INTS6: variants seen among roughly 807,000 people sequenced by gnomAD.
INTS6 encodes the protein integrator complex subunit 6.
INTS6 carries 16 observed loss-of-function variants against 104.9 expected under a neutral mutation model. The ratio of observed to expected loss-of-function variants is 0.15; its 90% CI spans 0.10 to 0.23. The LOEUF (loss-of-function observed/expected upper bound fraction) is 0.23, where lower values mean the gene tolerates loss of function less well. Ranked by LOEUF, INTS6 falls within the 10% of genes least tolerant of loss-of-function variation. INTS6 has a pLI of 1.00. For synonymous variants in INTS6, 324 were observed against 358.7 expected, an observed-to-expected ratio of 0.90 and a Z score of 1.09; for missense variants, 584 against 1,062.8, an observed-to-expected ratio of 0.55 and a Z score of 6.26.
intron 4 of INTS6, among the ~76,000 whole-genome samples, chr13:51,409,263 AAATAATAATAATAAT>A (rs57913744): frequency 0.013 from 1,742 of 135,940 alleles, 18 homozygotes; most frequent in African/African-American, 0.025. Flanking sequence ...AATCCGTCTC[AAATAATAATAATAAT>A]AATAATAATA....
At chr13:51,387,335 G>T in intron 7 of INTS6, 51 bp downstream of exon 7, 1 of 1,489,788 alleles carries the variant, frequency 6.7e-7, no homozygotes, top group Non-Finnish European at 9.0e-7. Flanking sequence ...AAACTAATAG[G>T]AAAGACAGCT....
chr13:51,337,581 T>C, the INTS6 span, among the ~76,000 whole-genome samples: 1 of 152,210 alleles, frequency 6.6e-6, no homozygotes, highest in Non-Finnish European at 1.5e-5. Flanking sequence ...GAAGGGCATG[T>C]GCCTTAGTGT....
chr13:51,450,881 G>A (rs1953028442), intron 3 of INTS6, 144 bp downstream of exon 3: 2 of 1,288,550 alleles, frequency 1.6e-6, no homozygotes, highest in South Asian at 2.8e-5. Context: ...TAGGGTAAGA[G>A]TTTTGCCTTT....
chr13:51,366,550 A>G (rs1279308960), intron 17 of INTS6, among the ~76,000 whole-genome samples: 1 of 152,046 alleles, frequency 6.6e-6, no homozygotes, highest in Non-Finnish European at 1.5e-5. Context: ...AAGCTAATAT[A>G]AATAGCCACC....
At chr13:51,347,315 C>T in the INTS6 span, 2 of 1,201,758 alleles carry the variant, frequency 1.7e-6, no homozygotes, top group Non-Finnish European at 2.4e-6. Context: ...CAGGTCCCTG[C>T]TCCTAAGGGA....
intron 3 of INTS6, among the ~76,000 whole-genome samples, chr13:51,434,920 C>T (rs1957159141): frequency 6.6e-6 from 1 of 151,984 alleles, no homozygotes; most frequent in South Asian, 2.1e-4. Flanking sequence ...TTAATTACTG[C>T]AATATAATGT....
the INTS6 span, chr13:51,341,340 T>C: frequency 6.3e-7 from 1 of 1,596,312 alleles, no homozygotes; most frequent in East Asian, 2.3e-5. Context: ...TGGGGTACAC[T>C]GTCCATGGTA....
chr13:51,435,044 G>T (rs1957161096), intron 3 of INTS6, among the ~76,000 whole-genome samples: 1 of 151,896 alleles, frequency 6.6e-6, no homozygotes, highest in Non-Finnish European at 1.5e-5. Flanking sequence ...AAGTCACTCA[G>T]TTGGGAGACA....
intron 4 of INTS6, among the ~76,000 whole-genome samples, chr13:51,421,826 GACTT>G (rs941328873): frequency 2.0e-5 from 3 of 152,056 alleles, no homozygotes; most frequent in African/African-American, 7.2e-5. Context: ...AGTATCCTCT[GACTT>G]ACTTGACACC....
rs1011004655 is a variant in INTS6, at chr13:51,451,903, T to TG, written c.189+74dup. ...GGAGGGGAGCATAATGAAGGGTGAATGGGGGGGCGGGGAGGGCGAGCGAGG... is the reference window on the plus strand; with the variant it reads ...GGAGGGGAGCATAATGAAGGGTGAATGGGGGGGGCGGGGAGGGCGAGCGAGG... On this transcript the variant is annotated intron_variant, in intron 2 of 17. Transcript: ENST00000311234. The TG allele has an allele frequency of 5.1e-5, 37 of 729,610 alleles. No homozygotes were observed. The African/African-American group carries it at 5.2e-4, about 10-fold the overall frequency. 45.2% of individuals were successfully genotyped at this position (729,610 alleles called of 1,614,324 possible).
chr13:51,336,583 T>C, the INTS6 span, among the ~76,000 whole-genome samples: 3 of 152,240 alleles, frequency 2.0e-5, no homozygotes, highest in Admixed American at 6.5e-5. Context: ...AAGCCCCTTC[T>C]TATGTGAGCA....
chr13:51,348,229 T>C, the INTS6 span: 1 of 1,593,614 alleles, frequency 6.3e-7, no homozygotes, highest in Non-Finnish European at 8.5e-7. Flanking sequence ...TCCAGGACAC[T>C]GCAGGCCATC....
chr13:51,432,776 A>AT (rs1471888135), intron 3 of INTS6, among the ~76,000 whole-genome samples: 1 of 152,194 alleles, frequency 6.6e-6, no homozygotes, highest in African/African-American at 2.4e-5. Context: ...AAGGAGCACT[A>AT]TCTCCCTCTT....
chr13:51,447,955 G>A (rs145005853), intron 3 of INTS6: 1 of 152,262 alleles, frequency 6.6e-6, no homozygotes, highest in African/African-American at 2.4e-5. Context: ...CTGCTCAGGA[G>A]GCTGAAGCAT....
intron 3 of INTS6, among the ~76,000 whole-genome samples, chr13:51,356,319 A>C (rs1593645915): frequency 6.6e-6 from 1 of 152,124 alleles, no homozygotes; most frequent in African/African-American, 2.4e-5. Context: ...ATAATCTGAC[A>C]TTTCAAGCAA....
At chr13:51,428,564 T>C (rs1957027097) in intron 4 of INTS6, among the ~76,000 whole-genome samples, 1 of 152,112 alleles carries the variant, frequency 6.6e-6, no homozygotes, top group Admixed American at 6.6e-5. Flanking sequence ...TGATCTCATG[T>C]CTGCCCGCCT....
chr13:51,406,102 G>C (rs1404443745), intron 4 of INTS6, among the ~76,000 whole-genome samples: 1 of 151,960 alleles, frequency 6.6e-6, no homozygotes, highest in Non-Finnish European at 1.5e-5. Context: ...CCCTAACCTA[G>C]ACACAATCTC....
chr13:51,338,279 C>T, the INTS6 span, among the ~76,000 whole-genome samples: 12 of 152,188 alleles, frequency 7.9e-5, no homozygotes, highest in Non-Finnish European at 1.6e-4. Flanking sequence ...AAGTTACTGC[C>T]GCTCCATCAC....
the INTS6 span, chr13:51,335,866 G>C: frequency 1.3e-5 from 2 of 152,160 alleles, no homozygotes; most frequent in African/African-American, 2.4e-5. Context: ...TAACATAAAA[G>C]CAGGTATGTA....
Sources: gnomAD v4.1 joint callset for allele counts (sites outside exome capture counted in the v4.1 genomes callset) on GRCh38, gnomAD v4.1.1 for gene constraint, MANE v1.5 for transcripts, NCBI Gene and HGNC (gene_info 2026-07-23, HGNC 2026-07-21) for gene names.